The following ADRB3 variants were observed in gnomAD, a reference collection of about 807,000 sequenced individuals.
The protein encoded by ADRB3 is beta-3 adrenergic receptor.
Under a neutral mutation model 23.8 loss-of-function variants are expected in ADRB3, and 33 were observed. The observed-to-expected ratio is 1.38, with a 90% CI of 1.05 to 1.85. The LOEUF (loss-of-function observed/expected upper bound fraction) is 1.85, where lower values mean the gene tolerates loss of function less well. Ranked by LOEUF, ADRB3 falls within the 40% of genes most tolerant of loss-of-function variation. The pLI is 0.00. For missense variants in ADRB3, 600 were observed against 579.6 expected, an observed-to-expected ratio of 1.04 and a Z score of -0.36; for synonymous variants, 289 against 273.0, an observed-to-expected ratio of 1.06 and a Z score of -0.58.
rs1345533402 is a variant in ADRB3, at chr8:37,965,951, GA to G, written c.518del (p.Ile173ThrfsTer2). 1 of 1,558,572 alleles carries G rather than the reference GA, an allele frequency of 6.4e-7. No homozygotes were observed. The highest frequency in any genetic ancestry group is 8.7e-7 in the Non-Finnish European group (1 of 1,151,110). ...VVSAAVSFAP[I>X]MSQWWRVGAD... ...CCCCTACGCGCCACCACTGGCTCAT[GA>G]TGGGCGCAAACGACACCGCGGCCGA... On this transcript the variant is annotated frameshift_variant, in exon 1 of 2. Coordinates refer to ENST00000345060, the MANE Select transcript of ADRB3 (RefSeq NM_000025.3). LOFTEE classifies it high-confidence loss of function.
chr8:37,966,159 GGCCAGTGGCCAGTCAGC>G lies in ADRB3; in HGVS notation c.294_310del (p.Leu99ValfsTer316), dbSNP rs763797148. The G allele has an allele frequency of 2.5e-6, 4 of 1,609,376 alleles. No individual in the cohort carries two copies. Among genetic ancestry groups the G allele is most frequent in the Non-Finnish European group, 3.4e-6 (4 of 1,178,464 alleles). On this transcript the variant is annotated frameshift_variant, in exon 1 of 2. Transcript: ENST00000345060. LOFTEE classifies it high-confidence loss of function. ...CAGCTCGCAGCCAGTGGCGCCCAAC[GGCCAGTGGCCAGTCAGC>G]GCCAAGGTGGCCGCCGGCGGCACCA...
chr8:37,966,072 A>G lies in ADRB3; in HGVS notation c.398T>C (p.Val133Ala). Reference sequence around the variant, plus strand: ...GTTGGTCACAGCCAGGTAGCGGTCCACGGCCAGGGCGCACAGGGTTTCGAT... The same window carrying G: ...GTTGGTCACAGCCAGGTAGCGGTCCGCGGCCAGGGCGCACAGGGTTTCGAT... ...ASIETLCALA[V>A]DRYLAVTNPL... Residue 133 changes from valine to alanine, a missense_variant, in exon 1 of 2, where the codon GTG becomes GCG. Physicochemically the swap from Val to Ala is moderately conservative, Grantham distance 64 (BLOSUM62 0). Transcript: ENST00000345060. 6 of 1,606,104 alleles carry G rather than the reference A, an allele frequency of 3.7e-6. No individual in the cohort carries two copies. The highest frequency in any genetic ancestry group is 1.1e-5 in the South Asian group (1 of 89,736).
chr8:37,965,952 A>G lies in ADRB3; in HGVS notation c.518T>C (p.Ile173Thr). The change falls in exon 1 of 2, where the codon ATC becomes ACC. Residue 173 changes from isoleucine (I) to threonine (T), a missense_variant. Ile to Thr is a moderately conservative substitution (Grantham distance 89, BLOSUM62 -1). Coordinates refer to ENST00000345060, the MANE Select transcript of ADRB3 (RefSeq NM_000025.3). ...VVSAAVSFAP[I>T]MSQWWRVGAD... ...CCCTACGCGCCACCACTGGCTCATG[A>G]TGGGCGCAAACGACACCGCGGCCGA... 1.3e-6 allele frequency: 2 copies of G among 1,558,852 alleles called. No homozygotes were observed. Among genetic ancestry groups the G allele is most frequent in the Non-Finnish European group, 1.7e-6 (2 of 1,151,226 alleles).
intron 1 of ADRB3, 50 bp from the exon 2 acceptor site, chr8:37,964,289 G>T: frequency 2.6e-6 from 4 of 1,517,210 alleles, no homozygotes; most frequent in South Asian, 2.3e-5. Context: ...GGAGCAACAG[G>T]TGCACTGAGG....
rs201248945 is a variant in ADRB3, at chr8:37,965,930, T to C, written c.540A>G (p.Val180=). Reference sequence around the variant, plus strand: ...AGCGCTGCGCCTCGGCGTCGGCCCCTACGCGCCACCACTGGCTCATGATGG... The same window carrying C: ...AGCGCTGCGCCTCGGCGTCGGCCCCCACGCGCCACCACTGGCTCATGATGG... The part of the protein sequence containing the change: ...FAPIMSQWWR[V]GADAEAQRCH... Residue 180 remains valine (V), a synonymous_variant, in exon 1 of 2, where the codon GTA becomes GTG. Transcript: ENST00000345060. The C allele has an allele frequency of 6.4e-6, 10 of 1,553,192 alleles. No homozygotes were observed. In the South Asian group the frequency reaches 1.1e-4, roughly 17 times the overall value.
chr8:37,965,971 C>T lies in ADRB3; in HGVS notation c.499G>A (p.Ala167Thr). Residue 167 changes from alanine (A) to threonine (T), a missense_variant, in exon 1 of 2, where the codon GCG (alanine) becomes ACG (threonine). Physicochemically the swap from Ala to Thr is moderately conservative, Grantham distance 58. Coordinates refer to ENST00000345060, the MANE Select transcript of ADRB3 (RefSeq NM_000025.3). ...AVVLVWVVSA[A>T]VSFAPIMSQW... ...CTCATGATGGGCGCAAACGACACCG[C>T]GGCCGACACGACCCACACCAGGACC... 7 of 1,565,290 alleles carry T rather than the reference C, an allele frequency of 4.5e-6. No homozygotes were observed. Among genetic ancestry groups the T allele is most frequent in the Middle Eastern group, 1.7e-4 (1 of 6,008 alleles).
At position 37,965,728 on chromosome 8, in the gene ADRB3, C is replaced by T. The variant is rs72549191; in HGVS notation, c.742G>A (p.Glu248Lys). 1.9e-6 allele frequency: 3 copies of T among 1,549,418 alleles called. No individual in the cohort carries two copies. Among genetic ancestry groups the T allele is most frequent in the Non-Finnish European group, 2.6e-6 (3 of 1,146,154 alleles). The change falls in exon 1 of 2, where the codon GAG becomes AAG. Residue 248 changes from glutamate to lysine, a missense_variant. Transcript: ENST00000345060. ...LRGELGRFPP[E>K]ESPPAPSRSL... Reference sequence around the variant, plus strand: ...CGCGACGGCGCCGGCGGAGACTCCTCGGGCGGAAAGCGGCCCAGCTCCCCG... The same window carrying T: ...CGCGACGGCGCCGGCGGAGACTCCTTGGGCGGAAAGCGGCCCAGCTCCCCG...
At position 37,965,712 on chromosome 8, in the gene ADRB3, G is replaced by A. The variant is rs1808292157; in HGVS notation, c.758C>T (p.Ala253Val). The A allele has an allele frequency of 1.3e-5, 20 of 1,546,542 alleles. No individual in the cohort carries two copies. The highest frequency in any genetic ancestry group is 1.7e-5 in the Non-Finnish European group (20 of 1,144,714). ...GGCCGGGGCCAGAGAGCGCGACGGC[G>A]CCGGCGGAGACTCCTCGGGCGGAAA... Reference protein sequence around the residue: ...GRFPPEESPPAPSRSLAPAPV... With the variant: ...GRFPPEESPPVPSRSLAPAPV... Residue 253 changes from alanine (A) to valine (V), a missense_variant, in exon 1 of 2, where the codon GCG becomes GTG. Transcript: ENST00000345060.
chr8:37,966,490 G>T lies in ADRB3; in HGVS notation c.-21C>A. ...GCCATCCCCGGGTCGCGCGTGGGGCGGTAGGGAAAGAAGGAAGGAGGGGGT... is the reference window on the plus strand; with the variant it reads ...GCCATCCCCGGGTCGCGCGTGGGGCTGTAGGGAAAGAAGGAAGGAGGGGGT... On this transcript the variant is annotated 5_prime_UTR_variant, in exon 1 of 2. Coordinates refer to ENST00000345060, the MANE Select transcript of ADRB3 (RefSeq NM_000025.3). 6.4e-7 allele frequency: 1 copy of T among 1,564,034 alleles called. No homozygotes were observed. Among genetic ancestry groups the T allele is most frequent in the Non-Finnish European group, 8.6e-7 (1 of 1,160,050 alleles).
rs1316430492 is a variant in ADRB3, at chr8:37,965,518, C to T, written c.952G>A (p.Gly318Arg). 2 of 1,551,730 alleles carry T rather than the reference C, an allele frequency of 1.3e-6. No individual in the cohort carries two copies. Among genetic ancestry groups the T allele is most frequent in the East Asian group, 2.4e-5 (1 of 41,070 alleles). Residue 318 changes from glycine to arginine, a missense_variant, in exon 1 of 2, where the codon GGG becomes AGG. By Grantham distance (125) the Gly-to-Arg change is moderately radical. Transcript: ENST00000345060. ...FFLANVLRAL[G>R]GPSLVPGPAF... ...GGGCCCGGGACTAGAGAGGGGCCCC[C>T]CAGGGCGCGCAGCACGTTGGCCAGA...
chr8:37,966,592 G>A lies in ADRB3; in HGVS notation c.-123C>T. 1.4e-6 allele frequency: 2 copies of A among 1,421,546 alleles called. No individual in the cohort carries two copies. The highest frequency in any genetic ancestry group is 2.5e-5 in the East Asian group (1 of 40,014). 88.1% of individuals were successfully genotyped at this position (1,421,546 alleles called of 1,614,324 possible). A position where few individuals can be genotyped will look rare whatever the true frequency, so the allele number is the denominator to read the frequency against. ...TCCCCAGCCTGGGCCATCTTCTCTA[G>A]CTGTCCCAGCCAGAGCGCTCAGCCT... On this transcript the variant is annotated 5_prime_UTR_variant, in exon 1 of 2. Transcript: ENST00000345060.
rs368109921 is a variant in ADRB3, at chr8:37,966,356, G to A, written c.114C>T (p.Ala38=). The A allele has an allele frequency of 5.6e-6, 9 of 1,612,120 alleles. No homozygotes were observed. The East Asian group carries it at 2.0e-4, about 36-fold the overall frequency. The part of the protein sequence containing the change: ...SGLPGVPWEA[A]LAGALLALAV... ...CCAGCGCCAGCAGGGCCCCGGCTAG[G>A]GCCGCCTCCCACGGAACCCCTGGCA... The change falls in exon 1 of 2, where the codon GCC becomes GCT. Residue 38 remains alanine (A), a synonymous_variant. Transcript: ENST00000345060.
rs1808276430 is a variant in ADRB3, at chr8:37,965,337, G to A, written c.1133C>T (p.Ala378Val). The part of the protein sequence containing the change: ...PPEPCAAARP[A>V]LFPSGVPAAR... ...CGCAGGAACGCCCGAGGGGAAGAGG[G>A]CCGGGCGGGCGGCGGCGCAGGGCTC... Residue 378 changes from alanine to valine, a missense_variant, in exon 1 of 2, where the codon GCC becomes GTC. Transcript: ENST00000345060. 2.6e-6 allele frequency: 4 copies of A among 1,544,016 alleles called. No homozygotes were observed. Among genetic ancestry groups the A allele is most frequent in the Admixed American group, 4.1e-5 (2 of 49,088 alleles).
Position 37,965,926 on chromosome 8 carries a change from C to T in ADRB3, c.544G>A (p.Ala182Thr), listed in dbSNP as rs1171690552. The T allele has an allele frequency of 6.4e-7, 1 of 1,552,562 alleles. No individual in the cohort carries two copies. The highest frequency in any genetic ancestry group is 1.4e-5 in the African/African-American group (1 of 73,226). The change falls in exon 1 of 2, where the codon GCC becomes ACC. Residue 182 changes from alanine to threonine, a missense_variant. Physicochemically the swap from Ala to Thr is moderately conservative, Grantham distance 58. Coordinates refer to ENST00000345060, the MANE Select transcript of ADRB3 (RefSeq NM_000025.3). ...PIMSQWWRVGADAEAQRCHSN... is the reference protein window; with the variant it reads ...PIMSQWWRVGTDAEAQRCHSN... ...TGGCAGCGCTGCGCCTCGGCGTCGG[C>T]CCCTACGCGCCACCACTGGCTCATG...
chr8:37,964,672 C>G (rs988520867), intron 1 of ADRB3, among the ~76,000 whole-genome samples: 1 of 152,234 alleles, frequency 6.6e-6, no homozygotes, highest in African/African-American at 2.4e-5. Flanking sequence ...TGGCTCCGGC[C>G]TGTAATCCTA....
chr8:37,966,439 G>C lies in ADRB3; in HGVS notation c.31C>G (p.Leu11Val). Residue 11 changes from leucine (L) to valine (V), a missense_variant, in exon 1 of 2, where the codon CTT becomes GTT. Transcript: ENST00000345060. Reference protein sequence around the residue: MAPWPHENSSLAPWPDLPTLA... With the variant: MAPWPHENSSVAPWPDLPTLA... The stretch of plus-strand genomic sequence containing the variant: ...GTGGGGAGGTCCGGCCATGGGGCAA[G>C]AGAGCTGTTCTCGTGAGGCCACGGA... The C allele has an allele frequency of 1.2e-6, 2 of 1,604,948 alleles. No individual in the cohort carries two copies. The highest frequency in any genetic ancestry group is 8.5e-7 in the Non-Finnish European group (1 of 1,177,642).
In ADRB3 at chr8:37,965,907, C is replaced by A. The variant is rs201580588; in HGVS notation, c.563G>T (p.Arg188Leu). The A allele has an allele frequency of 6.4e-7, 1 of 1,551,208 alleles. No homozygotes were observed. The highest frequency in any genetic ancestry group is 2.0e-5 in the Admixed American group (1 of 51,022). ...WRVGADAEAQ[R>L]CHSNPRCCAF... is the part of the protein sequence containing the mutation. ...ACAGCAGCGCGGGTTGGAGTGGCAG[C>A]GCTGCGCCTCGGCGTCGGCCCCTAC... Residue 188 changes from arginine (R) to leucine (L), a missense_variant, in exon 1 of 2, where the codon CGC (arginine) becomes CTC (leucine). Transcript: ENST00000345060.
chr8:37,966,525 C>T lies in ADRB3; in HGVS notation c.-56G>A, dbSNP rs201296247. The stretch of plus-strand genomic sequence containing the variant: ...GAAGGAAGGAGGGGGTCTCCCAAAT[C>T]ACCTGGCTCAGGGGAGGGGACAGCA... On this transcript the variant is annotated 5_prime_UTR_variant, in exon 1 of 2. Transcript: ENST00000345060. 6.6e-7 allele frequency: 1 copy of T among 1,523,854 alleles called. No individual in the cohort carries two copies. The highest frequency in any genetic ancestry group is 8.8e-7 in the Non-Finnish European group (1 of 1,140,902). The allele number at this position is 1,523,854 out of a possible 1,614,324, so 94.4% of individuals were successfully genotyped here.
chr8:37,966,025 C>T lies in ADRB3; in HGVS notation c.445G>A (p.Val149Ile). The T allele has an allele frequency of 1.3e-6, 2 of 1,580,366 alleles. No individual in the cohort carries two copies. Among genetic ancestry groups the T allele is most frequent in the Admixed American group, 3.7e-5 (2 of 54,244 alleles). ...VTNPLRYGAL[V>I]TKRCARTAVV... is the part of the protein sequence containing the mutation. The stretch of plus-strand genomic sequence containing the variant: ...GCTGTCCGGGCGCAGCGCTTGGTGA[C>T]CAGTGCGCCGTAACGCAGCGGGTTG... Residue 149 changes from valine (V) to isoleucine (I), a missense_variant, in exon 1 of 2, where the codon GTC (valine) becomes ATC (isoleucine). By Grantham distance (29) the Val-to-Ile change is conservative. Coordinates refer to ENST00000345060, the MANE Select transcript of ADRB3 (RefSeq NM_000025.3).
Sources: allele counts gnomAD v4.1 joint callset (sites outside exome capture counted in the v4.1 genomes callset), GRCh38; gene constraint gnomAD v4.1.1; transcripts MANE v1.5; gene names NCBI Gene and HGNC (gene_info 2026-07-23, HGNC 2026-07-21).